The following JAK2 variants were observed in gnomAD, a reference collection of about 807,000 sequenced individuals.
JAK2 encodes Janus kinase 2, also known as tyrosine-protein kinase JAK2.
Under a neutral mutation model 139.3 loss-of-function variants are expected in JAK2, and 86 were observed. The observed-to-expected ratio is 0.62, with a 90% CI of 0.52 to 0.74. JAK2 has a LOEUF of 0.74. Among genes scored for constraint, JAK2 ranks in the 30% least tolerant of loss-of-function variants. The probability of loss-of-function intolerance (pLI) is 0.00; values close to 1 mark genes in which losing one functional copy is unlikely to be tolerated. For missense variants in JAK2, 1,421 were observed against 1,360.3 expected (o/e 1.04, Z -0.70); for synonymous variants, 490 against 437.7 (o/e 1.12, Z -1.49).
intron 19 of JAK2, among the ~76,000 whole-genome samples, chr9:5,086,991 A>G (rs1245490896): frequency 6.6e-6 from 1 of 152,228 alleles, no homozygotes; most frequent in African/African-American, 2.4e-5. Flanking sequence ...GAACAATACA[A>G]CTTAGCATTT....
intron 4 of JAK2, among the ~76,000 whole-genome samples, chr9:5,043,560 A>T (rs186458728): frequency 1.3e-5 from 2 of 152,212 alleles, no homozygotes; most frequent in African/African-American, 4.8e-5. Flanking sequence ...AAGGGTAAAC[A>T]AAGAGTTACC....
At chr9:5,123,222 T>C (rs934236740) in intron 23 of JAK2, 101 bp downstream of exon 23, 6 of 698,992 alleles carry the variant, frequency 8.6e-6, no homozygotes, top group South Asian at 3.9e-5. Context: ...ATACATTGCA[T>C]AGTGGTGAAG....
chr9:5,008,874 C>A (rs946925786), intron 2 of JAK2, among the ~76,000 whole-genome samples: 1 of 152,102 alleles, frequency 6.6e-6, no homozygotes, highest in African/African-American at 2.4e-5. Flanking sequence ...GATTGATCCT[C>A]TTATTTCTTA....
intron 22 of JAK2, among the ~76,000 whole-genome samples, chr9:5,103,450 A>G (rs7022333): frequency 0.36 from 54,283 of 151,560 alleles, 10,519 homozygotes; most frequent in African/African-American, 0.53. Context: ...AAAGAGACTT[A>G]GACTCCCACA....
At chr9:5,103,430 A>G (rs1441564074) in intron 22 of JAK2, among the ~76,000 whole-genome samples, 4 of 152,034 alleles carry the variant, frequency 2.6e-5, no homozygotes, top group African/African-American at 9.7e-5. Context: ...GCAAGTCCTT[A>G]GAGACCTATA....
At chr9:5,111,721 C>T (rs1822566571) in intron 22 of JAK2, 2 of 433,638 alleles carry the variant, frequency 4.6e-6, no homozygotes, top group South Asian at 1.7e-5. Context: ...TGCACCAGCA[C>T]GAGCGCGTGG....
intron 5 of JAK2, among the ~76,000 whole-genome samples, 182 bp from the exon 6 acceptor site, chr9:5,050,504 C>G (rs184528866): frequency 2.0e-5 from 3 of 152,270 alleles, no homozygotes; most frequent in Admixed American, 6.5e-5. Context: ...CTCCTGGGCT[C>G]AAGTGATCTT....
At position 5,010,336 on chromosome 9, in the gene JAK2, T is replaced by C. The variant is rs145456782; in HGVS notation, c.-25-11627T>C. 1.6e-3 allele frequency among the ~76,000 whole-genome samples: 239 copies of C among 152,226 alleles called. 1 individual carries two copies. The East Asian group carries it at 0.021, about 13-fold the overall frequency. ...TTAAACAATTGTCAGTTGTCTTTTTTTTTTTTAGACGGAGTCTCGCTCTGT... is the reference window on the plus strand; with the variant it reads ...TTAAACAATTGTCAGTTGTCTTTTTCTTTTTTAGACGGAGTCTCGCTCTGT... On this transcript the variant is annotated intron_variant, in intron 2 of 24. Coordinates refer to ENST00000381652, the MANE Select transcript of JAK2 (RefSeq NM_004972.4).
intron 22 of JAK2, chr9:5,099,763 C>T (rs1821318997): frequency 6.6e-6 from 1 of 152,194 alleles, no homozygotes. Flanking sequence ...AACCTGATCC[C>T]TTATAATAAT....
rs555395180 is a variant in JAK2 at position 5,123,660 on chromosome 9, G to T, written c.3177+539G>T. Among the ~76,000 whole-genome samples the T allele has an allele frequency of 3.9e-5, 6 of 151,958 alleles. 1 individual carries two copies. In the East Asian group the frequency reaches 1.2e-3, roughly 29 times the overall value. On this transcript the variant is annotated intron_variant, in intron 23 of 24. Transcript: ENST00000381652. ...ACAGTGATTTCTTGTCCTTTAGGTA[G>T]ATACCCCATAGTGGGAATGCTGGAT...
chr9:5,022,608 A>G (rs1433875078), intron 3 of JAK2, among the ~76,000 whole-genome samples: 1 of 152,226 alleles, frequency 6.6e-6, no homozygotes, highest in Non-Finnish European at 1.5e-5. Flanking sequence ...CTGACAAACC[A>G]TCATTTTCTT....
chr9:4,987,517 C>T (rs1223241097), intron 2 of JAK2, among the ~76,000 whole-genome samples: 2 of 152,038 alleles, frequency 1.3e-5, no homozygotes, highest in Non-Finnish European at 2.9e-5. Context: ...AGGAGGATCA[C>T]TTGAGGTGAG....
chr9:5,090,375 T>TGATA (rs1397283405), intron 20 of JAK2, 71 bp from the exon 21 acceptor site: 6 of 1,121,592 alleles, frequency 5.3e-6, no homozygotes, highest in Non-Finnish European at 7.2e-6. Flanking sequence ...CATTTATGTA[T>TGATA]GATAGTTTTC....
intron 2 of JAK2, among the ~76,000 whole-genome samples, chr9:5,000,400 G>A (rs1453501335): frequency 1.3e-5 from 2 of 152,146 alleles, no homozygotes; most frequent in East Asian, 3.9e-4. Flanking sequence ...GCTAACAGCA[G>A]TAATTTTTAA....
intron 22 of JAK2, chr9:5,110,148 C>G (rs1209007089): frequency 6.6e-6 from 1 of 152,208 alleles, no homozygotes. Flanking sequence ...TAAATTCGGC[C>G]TCCATCCCTG....
intron 2 of JAK2, among the ~76,000 whole-genome samples, chr9:5,002,144 A>G (rs1820962164): frequency 6.6e-6 from 1 of 151,308 alleles, no homozygotes; most frequent in African/African-American, 2.4e-5. Context: ...GGTTTGATTG[A>G]TTTTCTTTAT....
Position 5,080,526 on chromosome 9 carries a change from A to G in JAK2, c.2284-7A>G. On this transcript the variant is annotated splice_region_variant and splice_polypyrimidine_tract_variant and intron_variant, in intron 17 of 24. Coordinates refer to ENST00000381652, the MANE Select transcript of JAK2 (RefSeq NM_004972.4). Reference sequence around the variant, plus strand: ...TTTATTCTCAGTTTGTGGTTCTTTAATTATAGAAGCTACAATTTTATGAAG... The same window carrying G: ...TTTATTCTCAGTTTGTGGTTCTTTAGTTATAGAAGCTACAATTTTATGAAG... 6.3e-7 allele frequency: 1 copy of G among 1,577,436 alleles called. No homozygotes were observed. The highest frequency in any genetic ancestry group is 8.6e-7 in the Non-Finnish European group (1 of 1,168,956).
intron 23 of JAK2, 125 bp downstream of exon 23, chr9:5,123,246 G>T: frequency 5.2e-6 from 3 of 571,502 alleles, no homozygotes; most frequent in Admixed American, 3.1e-5. Flanking sequence ...GAGCTTTTAG[G>T]GTATCCACCA....
In JAK2 at chr9:5,073,737, C is replaced by G. The variant is rs2130556331; in HGVS notation, c.1816C>G (p.His606Asp). 1 of 1,612,452 alleles carries G rather than the reference C, an allele frequency of 6.2e-7. No individual in the cohort carries two copies. The highest frequency in any genetic ancestry group is 1.1e-5 in the South Asian group (1 of 91,032). The change falls in exon 14 of 25, where the codon CAC becomes GAC. Residue 606 changes from histidine (H) to aspartate (D), a missense_variant. By Grantham distance (81) the His-to-Asp change is moderately conservative. Coordinates refer to ENST00000381652, the MANE Select transcript of JAK2 (RefSeq NM_004972.4). The stretch of plus-strand genomic sequence containing the variant: ...AGCAAGTATGATGAGCAAGCTTTCT[C>G]ACAAGCATTTGGTTTTAAATTATGG... ...EAASMMSKLS[H>D]KHLVLNYGVC...
Sources: allele counts gnomAD v4.1 joint callset (sites outside exome capture counted in the v4.1 genomes callset), GRCh38; gene constraint gnomAD v4.1.1; transcripts MANE v1.5; gene names NCBI Gene and HGNC (gene_info 2026-07-23, HGNC 2026-07-21).